The following TMEM132D variants were observed in gnomAD, a reference collection of about 807,000 sequenced individuals.
TMEM132D encodes the protein mature OL transmembrane protein.
TMEM132D carries 21 observed loss-of-function variants against 62.3 expected under a neutral mutation model. The observed-to-expected ratio is 0.34, with a 90% CI of 0.24 to 0.49. The LOEUF (loss-of-function observed/expected upper bound fraction) is 0.49. TMEM132D is among the 20% of genes least tolerant of loss of function. The pLI, the probability that TMEM132D is intolerant of heterozygous loss-of-function variation, is 0.99. For synonymous variants in TMEM132D, 621 were observed against 575.6 expected, an observed-to-expected ratio of 1.08 and a Z score of -1.13; for missense variants, 1,346 against 1,402.8, an observed-to-expected ratio of 0.96 and a Z score of 0.65.
chr12:129,884,020 C>T (rs1195112314), intron 1 of TMEM132D, among the ~76,000 whole-genome samples: 1 of 152,168 alleles, frequency 6.6e-6, no homozygotes, highest in Admixed American at 6.6e-5. Context: ...CAATCTCAAC[C>T]TCCTGAGCTA....
At chr12:129,628,940 CCT>C (rs956699062) in intron 2 of TMEM132D, among the ~76,000 whole-genome samples, 1 of 151,162 alleles carries the variant, frequency 6.6e-6, no homozygotes, top group African/African-American at 2.4e-5. Flanking sequence ...CTCTCTCTCT[CCT>C]CTCTTTCTCT....
At chr12:129,434,527 G>A (rs1872739630) in intron 3 of TMEM132D, among the ~76,000 whole-genome samples, 1 of 152,130 alleles carries the variant, frequency 6.6e-6, no homozygotes, top group African/African-American at 2.4e-5. Flanking sequence ...GCATGCTAAG[G>A]GGGCGTGTCT....
chr12:129,579,522 G>A (rs1423000083), intron 2 of TMEM132D, among the ~76,000 whole-genome samples: 1 of 152,160 alleles, frequency 6.6e-6, no homozygotes, highest in East Asian at 1.9e-4. Flanking sequence ...TCTAGTCTGT[G>A]GCTAAAGGCC....
Position 129,700,110 on chromosome 12 carries a change from G to C in TMEM132D, c.668C>G (p.Pro223Arg), listed in dbSNP as rs1881346377. 1 of 1,613,288 alleles carries C rather than the reference G, an allele frequency of 6.2e-7. No homozygotes were observed. Among genetic ancestry groups the C allele is most frequent in the South Asian group, 1.1e-5 (1 of 91,090 alleles). The part of the protein sequence containing the change: ...RKSVDQPEGT[P>R]VELYYTVHPG... ...GTGCACGGTGTAGTAGAGCTCCACG[G>C]GGGTCCCCTCCGGCTGGTCCACGGA... Residue 223 changes from proline (P) to arginine (R), a missense_variant, in exon 2 of 9, where the codon CCC (proline) becomes CGC (arginine). Physicochemically the swap from Pro to Arg is moderately radical, Grantham distance 103. Transcript: ENST00000422113.
chr12:129,871,267 ATGCTGAAGT>A (rs966390091), intron 1 of TMEM132D, among the ~76,000 whole-genome samples: 1 of 152,172 alleles, frequency 6.6e-6, no homozygotes, highest in Non-Finnish European at 1.5e-5. Flanking sequence ...TCTTGGTTTT[ATGCTGAAGT>A]TGCTGGGAGG....
intron 4 of TMEM132D, among the ~76,000 whole-genome samples, chr12:129,259,115 C>T (rs956644701): frequency 1.2e-4 from 18 of 152,154 alleles, no homozygotes; most frequent in African/African-American, 4.1e-4. Context: ...ACCTTTCAGC[C>T]GCCCTCAGTA....
chr12:129,826,346 G>A (rs762656327), intron 1 of TMEM132D, among the ~76,000 whole-genome samples: 11 of 152,162 alleles, frequency 7.2e-5, no homozygotes, highest in Non-Finnish European at 1.5e-4. Context: ...TAGAGGTGTC[G>A]TAGGGTTTTG....
chr12:129,599,589 T>C (rs1455737953), intron 2 of TMEM132D, among the ~76,000 whole-genome samples: 1 of 152,174 alleles, frequency 6.6e-6, no homozygotes. Context: ...TCATGTATTG[T>C]ATAATTCACA....
intron 2 of TMEM132D, among the ~76,000 whole-genome samples, chr12:129,601,658 G>A (rs796952597): frequency 1.3e-5 from 2 of 152,248 alleles, no homozygotes; most frequent in African/African-American, 4.8e-5. Context: ...CAGAGAATAG[G>A]AGGCGAGAAG....
At position 129,420,962 on chromosome 12, in the gene TMEM132D, C is replaced by CTTT. The variant is rs770659851; in HGVS notation, c.1116-83148_1116-83146dup. On this transcript the variant is annotated intron_variant, in intron 3 of 8. Transcript: ENST00000422113. ...CAGTCCGAGCTGTTGGTAGATCTAC[C>CTTT]TTTTTTTTTTTTTTTTTGAGACAGA... Among the ~76,000 whole-genome samples, 136 of 134,448 alleles carry CTTT rather than the reference C, an allele frequency of 1.0e-3. 2 individuals are homozygous for CTTT. The East Asian group carries it at 0.01, about 10-fold the overall frequency. 88.2% of individuals were successfully genotyped at this position (134,448 alleles called of 152,430 possible).
At chr12:129,878,875 T>C (rs1048433080) in intron 1 of TMEM132D, among the ~76,000 whole-genome samples, 4 of 152,112 alleles carry the variant, frequency 2.6e-5, no homozygotes, top group Admixed American at 2.6e-4. Context: ...GGCCTACAGA[T>C]TGCTTCTTGG....
chr12:129,555,974 C>T (rs922737219), intron 2 of TMEM132D, among the ~76,000 whole-genome samples: 1 of 152,130 alleles, frequency 6.6e-6, no homozygotes, highest in Non-Finnish European at 1.5e-5. Context: ...TCAAATTTGA[C>T]ATTCTTGGGT....
intron 3 of TMEM132D, among the ~76,000 whole-genome samples, chr12:129,348,419 G>A (rs539225612): frequency 6.6e-6 from 1 of 152,260 alleles, no homozygotes; most frequent in South Asian, 2.1e-4. Context: ...CATGGATGAA[G>A]CTGGAAACCA....
intron 4 of TMEM132D, among the ~76,000 whole-genome samples, chr12:129,255,503 A>T (rs555147277): frequency 6.6e-6 from 1 of 152,348 alleles, no homozygotes; most frequent in East Asian, 1.9e-4. Flanking sequence ...AATTCAGAAA[A>T]TAAAAATATA....
At chr12:129,549,987 G>A (rs1165538683) in intron 2 of TMEM132D, among the ~76,000 whole-genome samples, 1 of 152,124 alleles carries the variant, frequency 6.6e-6, no homozygotes, top group Admixed American at 6.5e-5. Flanking sequence ...GATAAACTGT[G>A]TCTTAGGAAA....
At chr12:129,881,532 G>A (rs924280267) in intron 1 of TMEM132D, among the ~76,000 whole-genome samples, 2 of 151,842 alleles carry the variant, frequency 1.3e-5, no homozygotes, top group Non-Finnish European at 2.9e-5. Context: ...CCTAAAAATC[G>A]ATATCAGAAA....
chr12:129,318,733 G>T (rs2135641443), intron 4 of TMEM132D, among the ~76,000 whole-genome samples: 1 of 152,262 alleles, frequency 6.6e-6, no homozygotes, highest in South Asian at 2.1e-4. Context: ...AGGACCATTA[G>T]GTGGGGGCAG....
intron 2 of TMEM132D, among the ~76,000 whole-genome samples, chr12:129,607,803 C>A (rs972839306): frequency 6.6e-6 from 1 of 152,174 alleles, no homozygotes; most frequent in Non-Finnish European, 1.5e-5. Context: ...TACCAGCTTT[C>A]CCCCACTACC....
At chr12:129,558,414 G>T (rs11060436) in intron 2 of TMEM132D, among the ~76,000 whole-genome samples, 18,351 of 152,114 alleles carry the variant, frequency 0.12, 1,428 homozygotes, top group East Asian at 0.42. Context: ...ATTAGAGAGT[G>T]TTTAAAATGA....
Sources: gnomAD v4.1 joint callset for allele counts (sites outside exome capture counted in the v4.1 genomes callset) on GRCh38, gnomAD v4.1.1 for gene constraint, MANE v1.5 for transcripts, NCBI Gene and HGNC (gene_info 2026-07-23, HGNC 2026-07-21) for gene names.